BZW1: variants seen among roughly 807,000 people sequenced by gnomAD.
The protein encoded by BZW1 is eIF5-mimic protein 2.
In BZW1, 3 loss-of-function variants were observed where a neutral mutation model predicts 54.1. The ratio of observed to expected loss-of-function variants is 0.06; its 90% confidence interval spans 0.03 to 0.14. The LOEUF (loss-of-function observed/expected upper bound fraction) is 0.14, where lower values mean the gene tolerates loss of function less well. Among genes scored for constraint, BZW1 ranks in the 10% least tolerant of loss-of-function variants. BZW1 has a pLI of 1.00. For missense variants in BZW1, 206 were observed against 491.7 expected, an observed-to-expected ratio of 0.42 and a Z score of 5.50; for synonymous variants, 152 against 162.7, an observed-to-expected ratio of 0.93 and a Z score of 0.50.
intron 9 of BZW1, 71 bp from the exon 10 acceptor site, chr2:200,819,911 T>C: frequency 7.6e-7 from 1 of 1,314,370 alleles, no homozygotes; most frequent in Non-Finnish European, 1.0e-6. Context: ...ATATTGTCTG[T>C]ATTGTAGGAG....
chr2:200,814,857 A>G (rs1230673938), intron 2 of BZW1, among the ~76,000 whole-genome samples: 1 of 152,220 alleles, frequency 6.6e-6, no homozygotes, highest in Non-Finnish European at 1.5e-5. Context: ...AACAGGATTA[A>G]AGCAAATGCT....
rs1377968582 is a variant in BZW1, at chr2:200,818,335, G to T, written c.761G>T (p.Arg254Leu). Residue 254 changes from arginine (R) to leucine (L), a missense_variant, in exon 8 of 12, where the codon CGT (arginine) becomes CTT (leucine). Coordinates refer to ENST00000409600, the MANE Select transcript of BZW1 (RefSeq NM_001207067.2). ...CGGAATCAGCAAACCATCGGAGCTCGTAAGGAGCTCCAGAAAGAACTTCAA... is the reference window on the plus strand; with the variant it reads ...CGGAATCAGCAAACCATCGGAGCTCTTAAGGAGCTCCAGAAAGAACTTCAA... ...YVRNQQTIGA[R>L]KELQKELQEQ... The T allele has an allele frequency of 6.2e-7, 1 of 1,605,174 alleles. No homozygotes were observed. Among genetic ancestry groups the T allele is most frequent in the Non-Finnish European group, 8.5e-7 (1 of 1,177,602 alleles).
At chr2:200,819,150 G>T in intron 9 of BZW1, 1 of 423,006 alleles carries the variant, frequency 2.4e-6, no homozygotes, top group Non-Finnish European at 4.2e-6. Flanking sequence ...CCAGCACTTT[G>T]GGAGGCAAGG....
In BZW1 at chr2:200,818,302, A is replaced by T; in HGVS notation, c.728A>T (p.Glu243Val). The change falls in exon 8 of 12, where the codon GAA (glutamate) becomes GTA (valine). Residue 243 changes from glutamate to valine, a missense_variant. Glu to Val is a moderately radical substitution (Grantham distance 121, BLOSUM62 -2). Around this residue, in one of 5 missense-constraint regions of BZW1, gnomAD observed 81 missense variants for 257.1 expected, o/e 0.32. Transcript: ENST00000409600. ...GAGGCAGGCTTGAAAGAGCTTTCAGAATATGTTCGGAATCAGCAAACCATC... is the reference window on the plus strand; with the variant it reads ...GAGGCAGGCTTGAAAGAGCTTTCAGTATATGTTCGGAATCAGCAAACCATC... ...FTEAGLKELS[E>V]YVRNQQTIGA... 6.2e-7 allele frequency: 1 copy of T among 1,611,960 alleles called. No homozygotes were observed. Among genetic ancestry groups the T allele is most frequent in the Non-Finnish European group, 8.5e-7 (1 of 1,179,332 alleles).
chr2:200,813,389 CA>C (rs1212286968), intron 2 of BZW1, 108 bp downstream of exon 2: 2 of 958,562 alleles, frequency 2.1e-6, no homozygotes, highest in African/African-American at 3.3e-5. Flanking sequence ...AAGAAGATAC[CA>C]GAAAGAAACT....
chr2:200,819,179 C>G (rs2038410056), intron 9 of BZW1: 1 of 361,064 alleles, frequency 2.8e-6, no homozygotes, highest in Non-Finnish European at 5.0e-6. Context: ...ATTGCTTGAG[C>G]TCAGTTTAAG....
intron 11 of BZW1, among the ~76,000 whole-genome samples, chr2:200,821,941 C>T (rs530790478): frequency 2.6e-5 from 4 of 152,090 alleles, no homozygotes; most frequent in Non-Finnish European, 4.4e-5. Flanking sequence ...TGGTGGTGGG[C>T]GCCTGTAGTT....
Position 200,825,408 on chromosome 2 carries a change from A to T in BZW1, c.*3230A>T, listed in dbSNP as rs762611624. On this transcript the variant is annotated 3_prime_UTR_variant, in exon 12 of 12. Transcript: ENST00000409600. Reference sequence around the variant, plus strand: ...AGTGATTGACCCCCATTGAGAATGCATGCTCTAATATTTTTTAAAAGGGAA... The same window carrying T: ...AGTGATTGACCCCCATTGAGAATGCTTGCTCTAATATTTTTTAAAAGGGAA... 2 of 152,110 alleles carry T rather than the reference A, an allele frequency of 1.3e-5. No homozygotes were observed. Among genetic ancestry groups the T allele is most frequent in the Admixed American group, 6.5e-5 (1 of 15,274 alleles). The allele number at this position is 152,110 out of a possible 1,614,324, so 9.4% of individuals were successfully genotyped here.
At chr2:200,820,861 A>G (rs140033075) in intron 10 of BZW1, among the ~76,000 whole-genome samples, 7 of 152,250 alleles carry the variant, frequency 4.6e-5, no homozygotes, top group African/African-American at 1.4e-4. Context: ...AGCAACCCCA[A>G]TTTCAGTTAT....
In BZW1 at chr2:200,821,195, G is replaced by C. The variant is rs2038496833; in HGVS notation, c.1118G>C (p.Ser373Thr). 6.2e-7 allele frequency: 1 copy of C among 1,611,528 alleles called. No homozygotes were observed. Among genetic ancestry groups the C allele is most frequent in the Admixed American group, 1.7e-5 (1 of 59,986 alleles). The change falls in exon 11 of 12, where the codon AGC becomes ACC. Residue 373 changes from serine to threonine, a missense_variant. Around this residue, in one of 5 missense-constraint regions of BZW1, gnomAD observed 60 missense variants for 151.8 expected, o/e 0.40. Transcript: ENST00000409600. ...VVLFYKAEVL[S>T]EEPILKWYKD... ...GTTTTCTTTCCAGCTGAAGTCCTGA[G>C]CGAGGAGCCCATTTTGAAGTGGTAT...
chr2:200,813,202 TC>T lies in BZW1; in HGVS notation c.-10-4del. 6.2e-7 allele frequency: 1 copy of T among 1,611,642 alleles called. No individual in the cohort carries two copies. The highest frequency in any genetic ancestry group is 8.5e-7 in the Non-Finnish European group (1 of 1,178,412). The stretch of plus-strand genomic sequence containing the variant: ...TGATATTAAGGCTTTATTTCTCCTT[TC>T]CTAGGGTGTCTTTTATGAATAATCA... On this transcript the variant is annotated splice_region_variant and splice_polypyrimidine_tract_variant and intron_variant, in intron 1 of 11. Coordinates refer to ENST00000409600, the MANE Select transcript of BZW1 (RefSeq NM_001207067.2).
At chr2:200,821,141 A>G in intron 10 of BZW1, 42 bp from the exon 11 acceptor site, 1 of 1,605,584 alleles carries the variant, frequency 6.2e-7, no homozygotes, top group South Asian at 1.1e-5. Flanking sequence ...CGCTGAGTAG[A>G]GTATATTAAA....
chr2:200,818,764 T>C lies in BZW1; in HGVS notation c.829T>C (p.Tyr277His). The change falls in exon 9 of 12, where the codon TAT becomes CAT. Residue 277 changes from tyrosine (Y) to histidine (H), a missense_variant. Tyr to His is a moderately conservative substitution (Grantham distance 83). Transcript: ENST00000409600. Reference protein sequence around the residue: ...RGDPFKDIILYVKEEMKKNNI... With the variant: ...RGDPFKDIILHVKEEMKKNNI... ...TTGGATTCATTTGCAGATAATTTTA[T>C]ATGTCAAGGAGGAGATGAAAAAAAA... is the stretch of plus-strand genomic sequence containing the variant. 6.3e-7 allele frequency: 1 copy of C among 1,579,228 alleles called. No individual in the cohort carries two copies. The highest frequency in any genetic ancestry group is 8.5e-7 in the Non-Finnish European group (1 of 1,171,436).
intron 5 of BZW1, 25 bp from the exon 6 acceptor site, chr2:200,817,081 C>T (rs778953443): frequency 1.9e-6 from 3 of 1,610,266 alleles, no homozygotes; most frequent in Admixed American, 1.7e-5. Flanking sequence ...GCTGTTTTAA[C>T]CCTTAATTGT....
In BZW1 at chr2:200,826,389, A is replaced by ATAGATAGATAGAT. The variant is rs1204717989; in HGVS notation, c.*4212_*4224dup. ...GATGAAGATATAGATAGATAGATAG[A>ATAGATAGATAGAT]TAGATAGATAGATAGATATTTTTTT... On this transcript the variant is annotated 3_prime_UTR_variant, in exon 12 of 12. Coordinates refer to ENST00000409600, the MANE Select transcript of BZW1 (RefSeq NM_001207067.2). 1.2e-3 allele frequency: 135 copies of ATAGATAGATAGAT among 111,818 alleles called. 1 individual carries two copies. Among genetic ancestry groups the ATAGATAGATAGAT allele is most frequent in the African/African-American group, 4.9e-3 (133 of 27,044 alleles). The allele number at this position is 111,818 out of a possible 1,614,324, so 6.9% of individuals were successfully genotyped here.
At chr2:200,816,766 G>T (rs530746225) in intron 5 of BZW1, among the ~76,000 whole-genome samples, 1 of 152,176 alleles carries the variant, frequency 6.6e-6, no homozygotes, top group East Asian at 1.9e-4. Context: ...GGGGTTATAG[G>T]TGTGAGCCAA....
intron 6 of BZW1, 56 bp from the exon 7 acceptor site, chr2:200,817,918 A>T: frequency 1.7e-6 from 2 of 1,198,402 alleles, no homozygotes; most frequent in Admixed American, 4.2e-5. Context: ...ATAGGGGGAC[A>T]CAGTGATTGA....
chr2:200,820,844 C>T (rs1354015824), intron 10 of BZW1, among the ~76,000 whole-genome samples: 2 of 152,194 alleles, frequency 1.3e-5, no homozygotes, highest in Non-Finnish European at 2.9e-5. Context: ...GTTCAGAGTG[C>T]TTCTATAGCA....
chr2:200,812,875 T>A (rs1463487435), intron 1 of BZW1: 2 of 654,056 alleles, frequency 3.1e-6, no homozygotes, highest in Admixed American at 2.1e-5. Context: ...TGCTTAGTGG[T>A]CGTGGAAGAT....
Sources: allele counts gnomAD v4.1 joint callset (sites outside exome capture counted in the v4.1 genomes callset), GRCh38; gene constraint gnomAD v4.1.1; regional missense constraint gnomAD v4.1.1; transcripts MANE v1.5; gene names NCBI Gene and HGNC (gene_info 2026-07-23, HGNC 2026-07-21).